The following ERBB4 variants were observed in gnomAD, a reference collection of about 807,000 sequenced individuals.
ERBB4 encodes receptor tyrosine-protein kinase erbB-4.
ERBB4 carries 42 observed loss-of-function variants against 158.0 expected under a neutral mutation model. The observed-to-expected ratio is 0.27, with a 90% confidence interval of 0.21 to 0.34. The LOEUF is 0.34. Ranked by LOEUF, ERBB4 falls within the 10% of genes least tolerant of loss-of-function variation. ERBB4 has a pLI of 1.00. For synonymous variants in ERBB4, 583 were observed against 558.7 expected, an observed-to-expected ratio of 1.04 and a Z score of -0.61; for missense variants, 1,333 against 1,624.1, an observed-to-expected ratio of 0.82 and a Z score of 3.08.
At chr2:212,363,622 A>G (rs1260468862) in intron 1 of ERBB4, among the ~76,000 whole-genome samples, 1 of 151,170 alleles carries the variant, frequency 6.6e-6, no homozygotes, top group East Asian at 1.9e-4. Flanking sequence ...CAGCAAATAC[A>G]CCTAAGGCAC....
chr2:211,804,700 A>G (rs1336026231), intron 3 of ERBB4, among the ~76,000 whole-genome samples: 4 of 152,076 alleles, frequency 2.6e-5, no homozygotes, highest in African/African-American at 7.2e-5. Context: ...TTGGAGTCCA[A>G]GGTTGATTTC....
rs767896882 is a variant in ERBB4 at position 211,638,526 on chromosome 2, T to C, written c.1947-7932A>G. 3.8e-4 allele frequency among the ~76,000 whole-genome samples: 58 copies of C among 152,290 alleles called. 1 individual carries two copies. The highest frequency in any genetic ancestry group is 2.7e-3 in the South Asian group (13 of 4,830). ...GACCTGGGGTATTACAATAGGTCTC[T>C]GTCCTTTGATTAAGGCTCAAGATTC... is the stretch of plus-strand genomic sequence containing the variant. On this transcript the variant is annotated intron_variant, in intron 16 of 27. Coordinates refer to ENST00000342788, the MANE Select transcript of ERBB4 (RefSeq NM_005235.3).
intron 20 of ERBB4, among the ~76,000 whole-genome samples, chr2:211,471,293 C>G (rs1394839665): frequency 6.6e-6 from 1 of 152,094 alleles, no homozygotes; most frequent in African/African-American, 2.4e-5. Context: ...TCAGAGAAAC[C>G]ATGAGCCAAG....
At chr2:212,421,326 C>G (rs1285950674) in intron 1 of ERBB4, among the ~76,000 whole-genome samples, 2 of 152,126 alleles carry the variant, frequency 1.3e-5, no homozygotes, top group Non-Finnish European at 2.9e-5. Context: ...ATTGTTCCTT[C>G]TGGAAACCCT....
intron 19 of ERBB4, among the ~76,000 whole-genome samples, chr2:211,586,845 C>T (rs143587970): frequency 6.6e-6 from 1 of 152,268 alleles, no homozygotes; most frequent in African/African-American, 2.4e-5. Flanking sequence ...AATATCATTT[C>T]AAGACTCACT....
intron 3 of ERBB4, among the ~76,000 whole-genome samples, chr2:211,864,353 G>T (rs2078148792): frequency 2.0e-5 from 3 of 152,120 alleles, no homozygotes; most frequent in Admixed American, 1.3e-4. Flanking sequence ...GAAAGTGACT[G>T]CTTTCCTGCT....
chr2:212,506,146 TG>T (rs752489925), intron 1 of ERBB4, among the ~76,000 whole-genome samples: 1 of 148,666 alleles, frequency 6.7e-6, no homozygotes, highest in Non-Finnish European at 1.5e-5. Context: ...TGATCTTTGA[TG>T]TTACTATTGT....
chr2:211,958,786 G>T (rs995444370), intron 2 of ERBB4, among the ~76,000 whole-genome samples: 1 of 152,006 alleles, frequency 6.6e-6, no homozygotes, highest in Non-Finnish European at 1.5e-5. Flanking sequence ...TTATTTATGA[G>T]AAAAATATTA....
At chr2:212,221,043 C>G (rs868186231) in intron 1 of ERBB4, among the ~76,000 whole-genome samples, 5 of 151,584 alleles carry the variant, frequency 3.3e-5, no homozygotes, top group Non-Finnish European at 5.9e-5. Flanking sequence ...TCCACACAAC[C>G]TCCCTACTTA....
chr2:212,293,864 A>AC (rs1559945921), intron 1 of ERBB4, among the ~76,000 whole-genome samples: 6 of 150,242 alleles, frequency 4.0e-5, no homozygotes, highest in Admixed American at 6.7e-5. Flanking sequence ...AAAAACAAAA[A>AC]AAAAAAAAAC....
intron 20 of ERBB4, among the ~76,000 whole-genome samples, chr2:211,506,256 C>T (rs2065747167): frequency 6.6e-6 from 1 of 151,996 alleles, no homozygotes; most frequent in Non-Finnish European, 1.5e-5. Context: ...CACCCAGATT[C>T]ATAAAACAAA....
At chr2:211,836,793 A>T (rs902177740) in intron 3 of ERBB4, among the ~76,000 whole-genome samples, 20 of 152,048 alleles carry the variant, frequency 1.3e-4, no homozygotes, top group Non-Finnish European at 2.2e-4. Context: ...ATATATTATT[A>T]TATAATATTT....
chr2:211,927,103 A>G (rs1325645732), intron 3 of ERBB4, among the ~76,000 whole-genome samples: 1 of 152,182 alleles, frequency 6.6e-6, no homozygotes, highest in Non-Finnish European at 1.5e-5. Flanking sequence ...AATAGAGAAG[A>G]TCTTTGTTTC....
At chr2:211,874,853 A>T (rs2078450314) in intron 3 of ERBB4, among the ~76,000 whole-genome samples, 1 of 152,092 alleles carries the variant, frequency 6.6e-6, no homozygotes, top group Non-Finnish European at 1.5e-5. Context: ...AAAAATATAA[A>T]TCACATTTTT....
In ERBB4 at chr2:211,428,574, T is replaced by G. The variant is rs2063684190; in HGVS notation, c.2644-91A>C. 2.6e-5 allele frequency: 18 copies of G among 705,660 alleles called. No individual in the cohort carries two copies. In the East Asian group the frequency reaches 5.0e-4, roughly 20 times the overall value. The allele number at this position is 705,660 out of a possible 1,614,324, so 43.7% of individuals were successfully genotyped here. On this transcript the variant is annotated intron_variant, in intron 21 of 27. Transcript: ENST00000342788. ...TAAATGTGAGTCTTTGGGCTGGCCTTAATCATATTTTTTTATTATGTGTGT... is the reference window on the plus strand; with the variant it reads ...TAAATGTGAGTCTTTGGGCTGGCCTGAATCATATTTTTTTATTATGTGTGT...
intron 20 of ERBB4, among the ~76,000 whole-genome samples, chr2:211,472,338 A>G (rs1382505306): frequency 6.7e-6 from 1 of 149,466 alleles, no homozygotes; most frequent in African/African-American, 2.4e-5. Flanking sequence ...ATTTAATAAT[A>G]TTGATATGAT....
Position 211,379,468 on chromosome 2 carries a change from T to C in ERBB4, c.*4147A>G, listed in dbSNP as rs1210970836. 4.3e-6 allele frequency: 1 copy of C among 230,436 alleles called. No homozygotes were observed. The highest frequency in any genetic ancestry group is 8.6e-6 in the Non-Finnish European group (1 of 116,380). The allele number at this position is 230,436 out of a possible 1,614,324, so 14.3% of individuals were successfully genotyped here. ...GCAAGTTTTCCCAAGTGGAACCATA[T>C]ATGCCTACTTTCAGCTAAACCCAAC... On this transcript the variant is annotated 3_prime_UTR_variant, in exon 28 of 28. Coordinates refer to ENST00000342788, the MANE Select transcript of ERBB4 (RefSeq NM_005235.3).
At chr2:211,427,728 TTTTG>T (rs1385143796) in intron 22 of ERBB4, among the ~76,000 whole-genome samples, 2 of 151,982 alleles carry the variant, frequency 1.3e-5, no homozygotes, top group Non-Finnish European at 2.9e-5. Context: ...AAAAAGTTGG[TTTTG>T]TTTTTGTTTG....
chr2:211,913,296 T>G (rs2079585883), intron 3 of ERBB4, among the ~76,000 whole-genome samples: 1 of 152,128 alleles, frequency 6.6e-6, no homozygotes, highest in Non-Finnish European at 1.5e-5. Context: ...TTGTACATGC[T>G]TTAAAAATAT....
Sources: gnomAD v4.1 joint callset for allele counts (sites outside exome capture counted in the v4.1 genomes callset) on GRCh38, gnomAD v4.1.1 for gene constraint, MANE v1.5 for transcripts, NCBI Gene and HGNC (gene_info 2026-07-23, HGNC 2026-07-21) for gene names.